The following EZR variants were observed in gnomAD, a reference collection of about 807,000 sequenced individuals.
EZR encodes the protein ezrin.
Under a neutral mutation model 74.8 loss-of-function variants are expected in EZR, and 40 were observed. The observed-to-expected ratio is 0.53, with a 90% confidence interval of 0.42 to 0.70. The LOEUF is 0.70. Ranked by LOEUF, EZR falls within the 30% of genes least tolerant of loss-of-function variation. EZR has a pLI of 0.00. For missense variants in EZR, 678 were observed against 755.8 expected (o/e 0.90, Z 1.21); for synonymous variants, 341 against 283.3 (o/e 1.20, Z -2.05).
intron 7 of EZR, among the ~76,000 whole-genome samples, chr6:158,781,278 T>C (rs1791425387): frequency 6.6e-6 from 1 of 152,148 alleles, no homozygotes; most frequent in South Asian, 2.1e-4. Flanking sequence ...ATAAATGCTT[T>C]TTTCATGAAG....
At chr6:158,767,203 G>A (rs1229025896) in intron 13 of EZR, 58 bp downstream of exon 13, 1 of 1,585,076 alleles carries the variant, frequency 6.3e-7, no homozygotes, top group Non-Finnish European at 8.6e-7. Context: ...CCCTCCCCAA[G>A]CCTGTCTGCT....
At position 158,766,687 on chromosome 6, in the gene EZR, C is replaced by T. The variant is rs1034225601; in HGVS notation, c.*227G>A. ...TCCCAGCACAACACAGGAGGTGATT[C>T]GAGAATAATCGCGAGAATCAGGCCT... On this transcript the variant is annotated 3_prime_UTR_variant, in exon 14 of 14. Coordinates refer to ENST00000367075, the MANE Select transcript of EZR (RefSeq NM_001111077.2). The T allele has an allele frequency of 1.9e-5, 11 of 571,832 alleles. No homozygotes were observed. Among genetic ancestry groups the T allele is most frequent in the Middle Eastern group, 4.7e-4 (1 of 2,126 alleles). 35.4% of individuals were successfully genotyped at this position (571,832 alleles called of 1,614,324 possible).
chr6:158,804,826 A>G (rs1049318813), intron 2 of EZR, among the ~76,000 whole-genome samples: 1 of 150,702 alleles, frequency 6.6e-6, no homozygotes, highest in African/African-American at 2.5e-5. Flanking sequence ...GGTTAGTTAC[A>G]TATGTATACA....
intron 7 of EZR, among the ~76,000 whole-genome samples, chr6:158,778,649 G>C (rs1395398037): frequency 6.6e-6 from 1 of 152,176 alleles, no homozygotes; most frequent in Non-Finnish European, 1.5e-5. Context: ...GAGGCCTTTG[G>C]AGAAATGGCT....
At chr6:158,793,813 A>G (rs972934678) in intron 2 of EZR, among the ~76,000 whole-genome samples, 5 of 152,240 alleles carry the variant, frequency 3.3e-5, no homozygotes, top group African/African-American at 4.8e-5. Context: ...CTACTGCATG[A>G]TAAACAGTTC....
Position 158,818,015 on chromosome 6 carries a change from G to C in EZR, c.12+67C>G, listed in dbSNP as rs567303242. The C allele has an allele frequency of 3.6e-5, 56 of 1,535,514 alleles. 1 individual carries two copies. The South Asian group carries it at 5.4e-4, about 15-fold the overall frequency. Reference sequence around the variant, plus strand: ...TCCCCAGGAACTGCCCCAACACCTCGAGCAGGTGCCTCCCCTCTCCAATGA... The same window carrying C: ...TCCCCAGGAACTGCCCCAACACCTCCAGCAGGTGCCTCCCCTCTCCAATGA... On this transcript the variant is annotated intron_variant, in intron 2 of 13. Coordinates refer to ENST00000367075, the MANE Select transcript of EZR (RefSeq NM_001111077.2).
chr6:158,814,603 G>A (rs987667086), intron 2 of EZR, among the ~76,000 whole-genome samples: 2 of 150,878 alleles, frequency 1.3e-5, no homozygotes, highest in African/African-American at 4.9e-5. Context: ...GAGTGCAGTG[G>A]TGCAATCTCA....
intron 2 of EZR, among the ~76,000 whole-genome samples, chr6:158,800,145 C>T (rs1562502613): frequency 6.6e-6 from 1 of 152,112 alleles, no homozygotes; most frequent in Non-Finnish European, 1.5e-5. Context: ...CACTATGTTG[C>T]TAAAGGTATT....
intron 2 of EZR, among the ~76,000 whole-genome samples, chr6:158,803,546 T>C (rs1419237594): frequency 2.3e-3 from 4 of 1,712 alleles, no homozygotes; most frequent in Non-Finnish European, 5.1e-3. Context: ...TATATATATG[T>C]ATATATATAT....
intron 7 of EZR, among the ~76,000 whole-genome samples, chr6:158,778,833 C>T (rs55972323): frequency 0.13 from 19,325 of 152,156 alleles, 1,325 homozygotes; most frequent in African/African-American, 0.13. Context: ...ACCCAAAGAC[C>T]GAAACACATA....
In EZR at chr6:158,785,290, CG is replaced by C; in HGVS notation, c.467+18del. ...ACGGCATGACTGCTCCTGCCCAGGCCGGGTCATCCTGTGCTCACCTTTGAGG... is the reference window on the plus strand; with the variant it reads ...ACGGCATGACTGCTCCTGCCCAGGCCGGTCATCCTGTGCTCACCTTTGAGG... On this transcript the variant is annotated intron_variant, in intron 5 of 13. Transcript: ENST00000367075. The C allele has an allele frequency of 6.2e-7, 1 of 1,609,696 alleles. No homozygotes were observed. The highest frequency in any genetic ancestry group is 8.5e-7 in the Non-Finnish European group (1 of 1,177,072).
At chr6:158,792,814 C>CAAA (rs571823556) in intron 2 of EZR, among the ~76,000 whole-genome samples, 51,630 of 130,402 alleles carry the variant, frequency 0.4, 10,696 homozygotes, top group Non-Finnish European at 0.47. Context: ...GACTCCATCT[C>CAAA]AAAAAAAAAA....
At chr6:158,802,642 C>T (rs1308215278) in intron 2 of EZR, among the ~76,000 whole-genome samples, 7 of 152,188 alleles carry the variant, frequency 4.6e-5, no homozygotes, top group Non-Finnish European at 1.0e-4. Flanking sequence ...AGCGATTCTC[C>T]TGCCTCAGCC....
chr6:158,772,241 G>T (rs1791133300), intron 8 of EZR, among the ~76,000 whole-genome samples: 1 of 152,188 alleles, frequency 6.6e-6, no homozygotes, highest in African/African-American at 2.4e-5. Context: ...ATCTTCCCAG[G>T]GTATTTGAGG....
chr6:158,801,492 AT>A (rs769892054), intron 2 of EZR, among the ~76,000 whole-genome samples: 2 of 152,232 alleles, frequency 1.3e-5, no homozygotes, highest in South Asian at 2.1e-4. Context: ...AGTGCACAGA[AT>A]TGTAACAAAA....
At chr6:158,809,002 G>A (rs578206124) in intron 2 of EZR, among the ~76,000 whole-genome samples, 14 of 152,314 alleles carry the variant, frequency 9.2e-5, no homozygotes, top group Admixed American at 6.5e-4. Context: ...AGGTGTGGTA[G>A]TGAGCGCCTG....
At chr6:158,811,496 G>GA (rs1161222675) in intron 2 of EZR, among the ~76,000 whole-genome samples, 2 of 152,004 alleles carry the variant, frequency 1.3e-5, no homozygotes, top group South Asian at 2.1e-4. Flanking sequence ...AAAAAATTAA[G>GA]AAAAAAATTA....
rs937914801 is a variant in EZR at position 158,773,187 on chromosome 6, T to A, written c.796-1780A>T. 1.5e-4 allele frequency among the ~76,000 whole-genome samples: 23 copies of A among 152,278 alleles called. No individual in the cohort carries two copies. The South Asian group carries it at 1.7e-3, about 11-fold the overall frequency. On this transcript the variant is annotated intron_variant, in intron 8 of 13. Transcript: ENST00000367075. ...GCACCAACTCCCCTTTATGGGGTTG[T>A]GGGGGTGCATGGGTGGGGGGATCAA...
Position 158,767,432 on chromosome 6 carries a change from G to C in EZR, c.1425C>G (p.Pro475=), listed in dbSNP as rs747639376. 1.9e-6 allele frequency: 3 copies of C among 1,613,512 alleles called. No individual in the cohort carries two copies. In the African/African-American group the frequency reaches 4.0e-5, roughly 22 times the overall value. Residue 475 remains proline (P), a synonymous_variant, in exon 13 of 14, where the codon CCC becomes CCG. Coordinates refer to ENST00000367075, the MANE Select transcript of EZR (RefSeq NM_001111077.2). ...LVMTAPPPPP[P]PVYEPVSYHV... ...GGTAGCTCACCGGCTCGTACACGGG[G>C]GGTGGTGGGGGCGGGGGTGCTGTCA...
Sources: allele counts gnomAD v4.1 joint callset (sites outside exome capture counted in the v4.1 genomes callset), GRCh38; gene constraint gnomAD v4.1.1; transcripts MANE v1.5; gene names NCBI Gene and HGNC (gene_info 2026-07-23, HGNC 2026-07-21).